Variants in SLC51A observed in about 807,000 individuals in gnomAD.
SLC51A encodes solute carrier family 51 member A.
SLC51A carries 22 observed loss-of-function variants against 34.8 expected under a neutral mutation model. The observed-to-expected ratio is 0.63, with a 90% confidence interval of 0.45 to 0.90. The LOEUF (loss-of-function observed/expected upper bound fraction) is 0.90. SLC51A is among the 40% of genes least tolerant of loss of function. The probability of loss-of-function intolerance (pLI) is 0.00; values close to 1 mark genes in which losing one functional copy is unlikely to be tolerated. For synonymous variants in SLC51A, 181 were observed against 176.3 expected (o/e 1.03, Z -0.21); for missense variants, 371 against 414.8 (o/e 0.89, Z 0.92).
chr3:196,223,851 T>A (rs771830105), intron 2 of SLC51A: 5 of 422,984 alleles, frequency 1.2e-5, no homozygotes, highest in South Asian at 8.5e-5. Flanking sequence ...TCCTTTTTTT[T>A]AATGCCTTTT....
chr3:196,233,050 C>A lies in SLC51A; in HGVS notation c.887-13C>A. The A allele has an allele frequency of 6.2e-7, 1 of 1,613,630 alleles. No individual in the cohort carries two copies. The highest frequency in any genetic ancestry group is 8.5e-7 in the Non-Finnish European group (1 of 1,179,724). On this transcript the variant is annotated splice_polypyrimidine_tract_variant and intron_variant, in intron 8 of 8. Transcript: ENST00000296327. Reference sequence around the variant, plus strand: ...TCAGCATAACCTACGCTGTATTTCACCCTACACTGCAGTGATGAATTGCCA... The same window carrying A: ...TCAGCATAACCTACGCTGTATTTCAACCTACACTGCAGTGATGAATTGCCA...
intron 2 of SLC51A, 62 bp downstream of exon 2, chr3:196,217,998 C>A: frequency 6.7e-7 from 1 of 1,492,222 alleles, no homozygotes; most frequent in Non-Finnish European, 9.2e-7. Context: ...CTGAGTGGAG[C>A]TGGGGAGAGG....
intron 1 of SLC51A, among the ~76,000 whole-genome samples, chr3:196,217,212 G>A (rs1483211726): frequency 2.0e-5 from 3 of 152,214 alleles, no homozygotes; most frequent in Admixed American, 1.3e-4. Context: ...ACCTGGGCCA[G>A]TTCTCCACTC....
Position 196,216,695 on chromosome 3 carries a change from G to A in SLC51A, c.-18G>A. On this transcript the variant is annotated 5_prime_UTR_variant, in exon 1 of 9. Coordinates refer to ENST00000296327, the MANE Select transcript of SLC51A (RefSeq NM_152672.6). The surrounding 1 kb of genome is among the most constrained non-coding windows in gnomAD (Gnocchi z 4.5). ...TCCTCACCCCGGTGCCTGCGGGATT[G>A]CTGGAGAGAACGCGGCGATGGAGCC... The A allele has an allele frequency of 5.8e-6, 9 of 1,560,360 alleles. No homozygotes were observed. Among genetic ancestry groups the A allele is most frequent in the South Asian group, 2.4e-5 (2 of 84,894 alleles).
intron 7 of SLC51A, among the ~76,000 whole-genome samples, chr3:196,230,322 G>A (rs1349381697): frequency 6.6e-6 from 1 of 152,140 alleles, no homozygotes; most frequent in Non-Finnish European, 1.5e-5. Flanking sequence ...TTGTGCTGGA[G>A]GCTAGAAGTC....
At chr3:196,226,794 AAG>A (rs1352384907) in intron 2 of SLC51A, among the ~76,000 whole-genome samples, 169 bp from the exon 3 acceptor site, 2,760 of 131,186 alleles carry the variant, frequency 0.021, 83 homozygotes, top group Non-Finnish European at 0.036. Context: ...AAAAAAGAAA[AAG>A]AAAAAAAAAA....
In SLC51A at chr3:196,217,855, C is replaced by A; in HGVS notation, c.52C>A (p.Leu18Ile). 6.2e-7 allele frequency: 1 copy of A among 1,613,712 alleles called. No homozygotes were observed. Among genetic ancestry groups the A allele is most frequent in the Non-Finnish European group, 8.5e-7 (1 of 1,179,844 alleles). ...IKLDPRYTADLLEVLKTNYGI... is the reference protein window; with the variant it reads ...IKLDPRYTADILEVLKTNYGI... ...GTGTCTCGCCAGGTACACAGCAGAT[C>A]TTCTGGAGGTGCTGAAGACCAATTA... The change falls in exon 2 of 9, where the codon CTT becomes ATT. Residue 18 changes from leucine (L) to isoleucine (I), a missense_variant. Leu to Ile is a conservative substitution (Grantham distance 5). Coordinates refer to ENST00000296327, the MANE Select transcript of SLC51A (RefSeq NM_152672.6).
At position 196,230,052 on chromosome 3, in the gene SLC51A, T is replaced by C; in HGVS notation, c.771T>C (p.Ala257=). 6.2e-7 allele frequency: 1 copy of C among 1,612,516 alleles called. No homozygotes were observed. The highest frequency in any genetic ancestry group is 1.7e-4 in the Middle Eastern group (1 of 6,056). Reference sequence around the variant, plus strand: ...AGCAGAACATGGGAGCCAAATTTGCTCTGTTCCAGGTAACTATACCCTGGG... The same window carrying C: ...AGCAGAACATGGGAGCCAAATTTGCCCTGTTCCAGGTAACTATACCCTGGG... The part of the protein sequence containing the change: ...LGEQNMGAKF[A]LFQVLLILTA... The change falls in exon 7 of 9, where the codon GCT becomes GCC. Residue 257 remains alanine (A), a synonymous_variant. Coordinates refer to ENST00000296327, the MANE Select transcript of SLC51A (RefSeq NM_152672.6).
At position 196,228,048 on chromosome 3, in the gene SLC51A, C is replaced by T. The variant is rs1723940596; in HGVS notation, c.363-67C>T. ...CCCTAGCTCTGCTCCTCAGTAAGCCCCACCTCTCCCTGCTGTCTTTCTCTC... is the reference window on the plus strand; with the variant it reads ...CCCTAGCTCTGCTCCTCAGTAAGCCTCACCTCTCCCTGCTGTCTTTCTCTC... On this transcript the variant is annotated intron_variant, in intron 4 of 8. Coordinates refer to ENST00000296327, the MANE Select transcript of SLC51A (RefSeq NM_152672.6). The surrounding 1 kb of genome is among the most constrained non-coding windows in gnomAD (Gnocchi z 4.9). The T allele has an allele frequency of 6.4e-7, 1 of 1,567,094 alleles. No individual in the cohort carries two copies. The highest frequency in any genetic ancestry group is 1.2e-5 in the South Asian group (1 of 82,744).
At chr3:196,225,025 C>CT (rs34324841) in intron 2 of SLC51A, among the ~76,000 whole-genome samples, 14,696 of 140,478 alleles carry the variant, frequency 0.1, 902 homozygotes, top group Middle Eastern at 0.14. Flanking sequence ...AGGTATTTTC[C>CT]TTTTTTTTTT....
At position 196,223,738 on chromosome 3, in the gene SLC51A, A is replaced by T. The variant is rs1210480046; in HGVS notation, c.134-3227A>T. 4 of 71,450 alleles carry T rather than the reference A, an allele frequency of 5.6e-5. No individual in the cohort carries two copies. In the East Asian group the frequency reaches 1.3e-3, roughly 23 times the overall value. 4.4% of individuals were successfully genotyped at this position (71,450 alleles called of 1,614,324 possible). A position where few individuals can be genotyped will look rare whatever the true frequency, so the allele number is the denominator to read the frequency against. On this transcript the variant is annotated intron_variant, in intron 2 of 8. Transcript: ENST00000296327. ...TTATAAAAATCATTCAGGTTTAGTT[A>T]AAAAAAAAAAAAGAAAGAAAGAAAA...
At position 196,228,176 on chromosome 3, in the gene SLC51A, G is replaced by A. The variant is rs774854864; in HGVS notation, c.424G>A (p.Glu142Lys). Residue 142 changes from glutamate (E) to lysine (K), a missense_variant, in exon 5 of 9, where the codon GAG becomes AAG. Physicochemically the swap from Glu to Lys is moderately conservative, Grantham distance 56. Coordinates refer to ENST00000296327, the MANE Select transcript of SLC51A (RefSeq NM_152672.6). The surrounding 1 kb of genome is among the most constrained non-coding windows in gnomAD (Gnocchi z 4.9). ...CATGGTGGAAGGCTTTGGGGGGAAG[G>A]AGGCAGTGCTGAGGACGCTGAGGGA... is the stretch of plus-strand genomic sequence containing the variant. Reference protein sequence around the residue: ...LVMVEGFGGKEAVLRTLRDTP... With the variant: ...LVMVEGFGGKKAVLRTLRDTP... The A allele has an allele frequency of 1.2e-6, 2 of 1,614,142 alleles. No homozygotes were observed. The highest frequency in any genetic ancestry group is 1.7e-6 in the Non-Finnish European group (2 of 1,180,032).
At chr3:196,232,737 C>T (rs1353276217) in intron 8 of SLC51A, 8 of 589,036 alleles carry the variant, frequency 1.4e-5, no homozygotes, top group Admixed American at 6.0e-5. Context: ...GAGGCCAGCC[C>T]TGAGGGCCAA....
At chr3:196,221,518 G>A (rs879670917) in intron 2 of SLC51A, among the ~76,000 whole-genome samples, 7 of 151,806 alleles carry the variant, frequency 4.6e-5, no homozygotes, top group East Asian at 1.9e-4. Flanking sequence ...CTCCTGCCTC[G>A]GCCTCCTGAA....
intron 7 of SLC51A, among the ~76,000 whole-genome samples, chr3:196,231,392 C>CATTAACAAGGAGA (rs1437119302): frequency 6.6e-6 from 1 of 152,184 alleles, no homozygotes; most frequent in Non-Finnish European, 1.5e-5. Context: ...ACTTCTAACC[C>CATTAACAAGGAGA]AGTCTTGTTC....
Position 196,228,977 on chromosome 3 carries a change from T to TA in SLC51A, c.633+61dup. The TA allele has an allele frequency of 7.1e-7, 1 of 1,406,660 alleles. No homozygotes were observed. Among genetic ancestry groups the TA allele is most frequent in the South Asian group, 1.1e-5 (1 of 87,018 alleles). The allele number at this position is 1,406,660 out of a possible 1,614,324, so 87.1% of individuals were successfully genotyped here. A position where few individuals can be genotyped will look rare whatever the true frequency, so the allele number is the denominator to read the frequency against. On this transcript the variant is annotated intron_variant, in intron 6 of 8. Transcript: ENST00000296327. The surrounding 1 kb of genome is among the most constrained non-coding windows in gnomAD (Gnocchi z 4.9). ...AGACTCATTTAGTACCTTTGTGTTCTAAAAGGAATCACCAGAGCCAACACC... is the reference window on the plus strand; with the variant it reads ...AGACTCATTTAGTACCTTTGTGTTCTAAAAAGGAATCACCAGAGCCAACACC...
At chr3:196,227,489 C>T in intron 3 of SLC51A, 175 bp from the exon 4 acceptor site, 1 of 630,926 alleles carries the variant, frequency 1.6e-6, no homozygotes, top group Non-Finnish European at 2.9e-6. Flanking sequence ...TTTTGAAACA[C>T]CCTCCCACAG....
In SLC51A at chr3:196,217,959, G is replaced by A. The variant is rs753913197; in HGVS notation, c.133+23G>A. On this transcript the variant is annotated intron_variant, in intron 2 of 8. Coordinates refer to ENST00000296327, the MANE Select transcript of SLC51A (RefSeq NM_152672.6). ...GAGGTGAGTGGGGACCCTCCTCAGAGGGAACTGAGAGGAGGGAAACCAGGA... is the reference window on the plus strand; with the variant it reads ...GAGGTGAGTGGGGACCCTCCTCAGAAGGAACTGAGAGGAGGGAAACCAGGA... 4.4e-6 allele frequency: 7 copies of A among 1,601,760 alleles called. No homozygotes were observed. The East Asian group carries it at 1.6e-4, about 36-fold the overall frequency.
chr3:196,228,616 A>G lies in SLC51A; in HGVS notation c.522-193A>G. ...CTCCAAAGACGGAATTCTTGTCTGG[A>G]GGTGAGTGGGAGACCAAGAGGGTTC... is the stretch of plus-strand genomic sequence containing the variant. On this transcript the variant is annotated intron_variant, in intron 5 of 8. Coordinates refer to ENST00000296327, the MANE Select transcript of SLC51A (RefSeq NM_152672.6). This position sits in a 1 kb window ranked among gnomAD's most constrained non-coding sequence, Gnocchi z 4.9. 1.6e-6 allele frequency: 1 copy of G among 613,860 alleles called. No individual in the cohort carries two copies. The highest frequency in any genetic ancestry group is 2.9e-6 in the Non-Finnish European group (1 of 344,638). 38.0% of individuals were successfully genotyped at this position (613,860 alleles called of 1,614,324 possible). A position where few individuals can be genotyped will look rare whatever the true frequency, so the allele number is the denominator to read the frequency against.
Sources: gnomAD v4.1 joint callset for allele counts (sites outside exome capture counted in the v4.1 genomes callset) on GRCh38, gnomAD v4.1.1 for gene constraint, Gnocchi (gnomAD v3.1) non-coding constraint, MANE v1.5 for transcripts, NCBI Gene and HGNC (gene_info 2026-07-23, HGNC 2026-07-21) for gene names.